Variants in C3 observed in about 807,000 individuals in gnomAD.
The protein encoded by C3 is complement C3, also known as C3 and PZP-like alpha-2-macroglobulin domain-containing protein 1.
In C3, 97 loss-of-function variants were observed where a neutral mutation model predicts 207.9. That is an observed-to-expected ratio of 0.47 (90% CI 0.40 to 0.55). The LOEUF is 0.55. Ranked by LOEUF, C3 falls within the 20% of genes least tolerant of loss-of-function variation. C3 has a pLI of 0.00. For synonymous variants in C3, 848 were observed against 857.6 expected, an observed-to-expected ratio of 0.99 and a Z score of 0.20; for missense variants, 1,684 against 2,171.7, an observed-to-expected ratio of 0.78 and a Z score of 4.46.
rs776363240 is a variant in C3, at chr19:6,719,453, C to T, written c.75-50G>A. 37 of 1,547,112 alleles carry T rather than the reference C, an allele frequency of 2.4e-5. No homozygotes were observed. The highest frequency in any genetic ancestry group is 5.0e-5 in the Admixed American group (3 of 59,654). On this transcript the variant is annotated intron_variant, in intron 1 of 40. Coordinates refer to ENST00000245907, the MANE Select transcript of C3 (RefSeq NM_000064.4). This position sits in a 1 kb window ranked among gnomAD's most constrained non-coding sequence, Gnocchi z 5.4. ...GGCTTGTCATTCCACGGATGTGAGA[C>T]GCCAGTCCTCACTGGAGTCAGCGCC...
rs1651481730 is a variant in C3 at position 6,699,969 on chromosome 19, T to C, written c.2440+2158A>G. Among the ~76,000 whole-genome samples the C allele has an allele frequency of 2.7e-5, 4 of 149,074 alleles. 1 individual carries two copies. In the Middle Eastern group the frequency reaches 0.012, roughly 430 times the overall value. Reference sequence around the variant, plus strand: ...AATGATACATCATTTATATTATATATCTAATAAAATATACATTATATATGT... The same window carrying C: ...AATGATACATCATTTATATTATATACCTAATAAAATATACATTATATATGT... On this transcript the variant is annotated intron_variant, in intron 19 of 40. Transcript: ENST00000245907.
intron 17 of C3, among the ~76,000 whole-genome samples, chr19:6,705,767 C>CTCCT (rs1967761768): frequency 6.6e-6 from 1 of 151,228 alleles, no homozygotes; most frequent in African/African-American, 2.4e-5. Context: ...CTAAACCTAC[C>CTCCT]AGGTTCAAGC....
At chr19:6,692,217 C>T (rs1918186883) in intron 26 of C3, among the ~76,000 whole-genome samples, 1 of 152,206 alleles carries the variant, frequency 6.6e-6, no homozygotes, top group South Asian at 2.1e-4. Flanking sequence ...ATCCTCCTGC[C>T]TCGGCCTCCC....
At chr19:6,710,595 G>T in intron 13 of C3, 44 bp downstream of exon 13, 1 of 1,434,938 alleles carries the variant, frequency 7.0e-7, no homozygotes, top group Non-Finnish European at 9.7e-7. Flanking sequence ...AGAGAGAGGA[G>T]TAGGGAGAGG....
intron 35 of C3, among the ~76,000 whole-genome samples, 170 bp downstream of exon 35, chr19:6,681,771 C>T (rs1227131061): frequency 2.6e-5 from 4 of 151,886 alleles, no homozygotes; most frequent in Admixed American, 6.6e-5. Flanking sequence ...CTGGGTTGAC[C>T]CCCTTATTTT....
chr19:6,703,559 A>G (rs968496923), intron 17 of C3, among the ~76,000 whole-genome samples: 1 of 151,988 alleles, frequency 6.6e-6, no homozygotes, highest in Non-Finnish European at 1.5e-5. Flanking sequence ...GTGAGCCAAG[A>G]TTATGCCACT....
chr19:6,679,955 C>T, intron 36 of C3: 1 of 578,096 alleles, frequency 1.7e-6, no homozygotes, highest in Non-Finnish European at 3.2e-6. Flanking sequence ...CTGCTTAGAC[C>T]ATCATTCTCA....
chr19:6,717,175 A>G (rs2145435178), intron 4 of C3: 1 of 153,146 alleles, frequency 6.5e-6, no homozygotes, highest in Middle Eastern at 3.1e-3. Flanking sequence ...GGTGGGAGCC[A>G]TGGAGGGCTG....
In C3 at chr19:6,696,731, G is replaced by C; in HGVS notation, c.2797-72C>G. The stretch of plus-strand genomic sequence containing the variant: ...CAGACAGACACACAGATGGTCAGCA[G>C]GGCACTGTCCTTAGGATCACCCTAG... On this transcript the variant is annotated intron_variant, in intron 21 of 40. Coordinates refer to ENST00000245907, the MANE Select transcript of C3 (RefSeq NM_000064.4). 4.2e-6 allele frequency: 6 copies of C among 1,427,268 alleles called. No individual in the cohort carries two copies. The South Asian group carries it at 6.9e-5, about 16-fold the overall frequency. 88.4% of individuals were successfully genotyped at this position (1,427,268 alleles called of 1,614,324 possible).
At position 6,713,255 on chromosome 19, in the gene C3, T is replaced by A. The variant is rs1165040148; in HGVS notation, c.937A>T (p.Asn313Tyr). 1 of 1,613,640 alleles carries A rather than the reference T, an allele frequency of 6.2e-7. No homozygotes were observed. The highest frequency in any genetic ancestry group is 8.5e-7 in the Non-Finnish European group (1 of 1,179,964). Residue 313 changes from asparagine to tyrosine, a missense_variant, in exon 9 of 41, where the codon AAC (asparagine) becomes TAC (tyrosine). This residue lies in a region of C3 where 1,280 missense variants were observed against 1,739.1 expected (regional missense o/e 0.74). Transcript: ENST00000245907. ...SRKVLLDGVQNPRAEDLVGKS... is the reference protein window; with the variant it reads ...SRKVLLDGVQYPRAEDLVGKS... Reference sequence around the variant, plus strand: ...CCCACCAGGTCTTCTGCTCGGGGGTTCTGCACCCCGTCCAGCAGTACCTTC... The same window carrying A: ...CCCACCAGGTCTTCTGCTCGGGGGTACTGCACCCCGTCCAGCAGTACCTTC...
At chr19:6,689,374 T>TCTCTCTCTCTCTCTCTC (rs1555684230) in intron 27 of C3, among the ~76,000 whole-genome samples, 13 of 116,368 alleles carry the variant, frequency 1.1e-4, no homozygotes, top group African/African-American at 5.3e-4. Context: ...TCTCTCTCTC[T>TCTCTCTCTCTCTCTCTC]CTCTCTCTCT....
At chr19:6,685,930 A>C (rs1917993907) in intron 29 of C3, among the ~76,000 whole-genome samples, 194 bp downstream of exon 29, 1 of 152,214 alleles carries the variant, frequency 6.6e-6, no homozygotes, top group Non-Finnish European at 1.5e-5. Context: ...CACAGCTTGG[A>C]GTACCCAGAT....
chr19:6,686,709 C>A, intron 28 of C3, 37 bp downstream of exon 28: 2 of 1,606,118 alleles, frequency 1.2e-6, no homozygotes, highest in Non-Finnish European at 1.7e-6. Context: ...GAACTTCAGC[C>A]ATGCATCTCC....
chr19:6,686,115 C>A lies in C3; in HGVS notation c.3810+9G>T. 1 of 1,613,810 alleles carries A rather than the reference C, an allele frequency of 6.2e-7. No individual in the cohort carries two copies. The highest frequency in any genetic ancestry group is 8.5e-7 in the Non-Finnish European group (1 of 1,179,918). On this transcript the variant is annotated intron_variant, in intron 29 of 40. Transcript: ENST00000245907. Reference sequence around the variant, plus strand: ...GATGCATGTGCCTAGGGGCTGTGGGCCCACTTGCCTGGGTAGAGCCATAGC... The same window carrying A: ...GATGCATGTGCCTAGGGGCTGTGGGACCACTTGCCTGGGTAGAGCCATAGC...
In C3 at chr19:6,686,778, G is replaced by A. The variant is rs796972138; in HGVS notation, c.3614C>T (p.Pro1205Leu). 14 of 1,614,160 alleles carry A rather than the reference G, an allele frequency of 8.7e-6. No homozygotes were observed. The highest frequency in any genetic ancestry group is 1.7e-4 in the Middle Eastern group (1 of 6,042). ...TGTGGTCAGAAATTTGTTAAGAAGA[G>A]GCCCCTTCAGCCTGCCCATCTGGGC... Reference protein sequence around the residue: ...ALAQMGRLKGPLLNKFLTTAK... With the variant: ...ALAQMGRLKGLLLNKFLTTAK... Residue 1205 changes from proline to leucine, a missense_variant, in exon 28 of 41, where the codon CCT becomes CTT. Physicochemically the swap from Pro to Leu is moderately conservative, Grantham distance 98. Transcript: ENST00000245907.
At chr19:6,717,582 TGTGTGTGTTG>T in intron 4 of C3, 1 of 244,780 alleles carries the variant, frequency 4.1e-6, no homozygotes, top group Non-Finnish European at 8.1e-6. Context: ...TTGTGTGTGT[TGTGTGTGTTG>T]TGTGTTGTGT....
chr19:6,714,487 C>T (rs1967990412), intron 4 of C3, 41 bp from the exon 5 acceptor site: 2 of 1,437,348 alleles, frequency 1.4e-6, no homozygotes, highest in Admixed American at 1.7e-5. Flanking sequence ...TAAAGTGGCT[C>T]TTCGGAGGCT....
chr19:6,682,810 C>T (rs1317221562), intron 33 of C3: 1 of 156,884 alleles, frequency 6.4e-6, no homozygotes, highest in Non-Finnish European at 1.4e-5. Context: ...GTTCTGTTGC[C>T]TCCCTGTCTC....
chr19:6,685,715 T>C (rs1917987075), intron 29 of C3, among the ~76,000 whole-genome samples: 1 of 152,052 alleles, frequency 6.6e-6, no homozygotes, highest in South Asian at 2.1e-4. Context: ...GAACATACTA[T>C]AGAGCCCGCC....
Sources: gnomAD v4.1 joint callset for allele counts (sites outside exome capture counted in the v4.1 genomes callset) on GRCh38, gnomAD v4.1.1 for gene constraint, gnomAD v4.1.1 regional missense constraint, Gnocchi (gnomAD v3.1) non-coding constraint, MANE v1.5 for transcripts, NCBI Gene and HGNC (gene_info 2026-07-23, HGNC 2026-07-21) for gene names.